AVEN: variants seen among roughly 807,000 people sequenced by gnomAD.
AVEN encodes cell death regulator Aven.
AVEN carries 41 observed loss-of-function variants against 38.1 expected under a neutral mutation model. The observed-to-expected ratio is 1.08, with a 90% CI of 0.84 to 1.40. AVEN has a LOEUF of 1.40. Among genes scored for constraint, AVEN ranks in the 40% most tolerant of loss-of-function variants. The pLI, the probability that AVEN is intolerant of heterozygous loss-of-function variation, is 0.00. For synonymous variants in AVEN, 206 were observed against 171.8 expected (o/e 1.20, Z -1.56); for missense variants, 605 against 438.8 (o/e 1.38, Z -3.38).
chr15:33,894,202 G>A (rs774075898), intron 2 of AVEN, among the ~76,000 whole-genome samples: 6 of 151,796 alleles, frequency 4.0e-5, no homozygotes, highest in Non-Finnish European at 5.9e-5. Flanking sequence ...TGCCCACTTC[G>A]GACTCCTAAA....
At chr15:34,023,541 T>C (rs1018637325) in intron 1 of AVEN, among the ~76,000 whole-genome samples, 5 of 152,184 alleles carry the variant, frequency 3.3e-5, no homozygotes, top group Non-Finnish European at 5.9e-5. Flanking sequence ...TTGCAAAACC[T>C]GAGATTCAGT....
At chr15:34,000,659 T>C (rs528040609) in intron 2 of AVEN, among the ~76,000 whole-genome samples, 1 of 152,166 alleles carries the variant, frequency 6.6e-6, no homozygotes, top group Non-Finnish European at 1.5e-5. Context: ...GAATTTTTAT[T>C]ATCAGAGAAT....
chr15:33,889,323 T>C (rs1891837109), intron 2 of AVEN, among the ~76,000 whole-genome samples: 1 of 152,196 alleles, frequency 6.6e-6, no homozygotes, highest in Non-Finnish European at 1.5e-5. Context: ...ACAAAACCTT[T>C]TCCCACCAAT....
intron 2 of AVEN, among the ~76,000 whole-genome samples, chr15:33,961,792 G>C (rs538627426): frequency 6.7e-5 from 9 of 134,000 alleles, no homozygotes; most frequent in East Asian, 2.2e-4. Flanking sequence ...CAGCCTGGGC[G>C]ACAGAGTGAG....
chr15:34,028,014 T>C (rs1204180239), intron 1 of AVEN, among the ~76,000 whole-genome samples: 1 of 152,138 alleles, frequency 6.6e-6, no homozygotes, highest in Non-Finnish European at 1.5e-5. Flanking sequence ...CTTAAGGCTC[T>C]GCACAGGCAG....
chr15:33,888,379 G>A (rs1891791367), intron 2 of AVEN, among the ~76,000 whole-genome samples: 1 of 152,100 alleles, frequency 6.6e-6, no homozygotes, highest in Non-Finnish European at 1.5e-5. Flanking sequence ...CTTCCTAGGA[G>A]AAGTGACACC....
chr15:33,854,957 C>A (rs200709969), downstream of AVEN: 1 of 1,533,822 alleles, frequency 6.5e-7, no homozygotes, highest in Non-Finnish European at 8.8e-7. Flanking sequence ...TGTATATGCA[C>A]AGGAAAAAAA....
At chr15:33,933,642 AG>A (rs1893959131) in intron 2 of AVEN, among the ~76,000 whole-genome samples, 1 of 151,298 alleles carries the variant, frequency 6.6e-6, no homozygotes, top group Admixed American at 6.6e-5. Flanking sequence ...GCACCATGCT[AG>A]GGCCTGTACA....
chr15:34,031,516 A>G (rs117946907), intron 1 of AVEN, among the ~76,000 whole-genome samples: 2,328 of 152,252 alleles, frequency 0.015, 27 homozygotes, highest in Middle Eastern at 0.024. Context: ...CCTCAATGTA[A>G]GTTTGACTTG....
chr15:34,025,095 G>A (rs1180112728), intron 1 of AVEN, among the ~76,000 whole-genome samples: 5 of 151,718 alleles, frequency 3.3e-5, no homozygotes, highest in South Asian at 4.2e-4. Context: ...GTTTGAGCCC[G>A]GGAGGCAGAG....
Position 33,867,846 on chromosome 15 carries a change from G to A in AVEN, c.622C>T (p.Pro208Ser), listed in dbSNP as rs775349309. Reference sequence around the variant, plus strand: ...GGTTTCACCTGAGGAACCTCTAAAGGAACTGTACCCTGAAAGAGAAGTATA... The same window carrying A: ...GGTTTCACCTGAGGAACCTCTAAAGAAACTGTACCCTGAAAGAGAAGTATA... ...VAAELVQGTV[P>S]LEVPQVKPKR... The change falls in exon 5 of 6, where the codon CCT (proline) becomes TCT (serine). Residue 208 changes from proline (P) to serine (S), a missense_variant. Transcript: ENST00000306730. The A allele has an allele frequency of 5.7e-6, 9 of 1,574,272 alleles. 1 individual carries two copies. The highest frequency in any genetic ancestry group is 4.0e-5 in the Admixed American group (2 of 49,670).
At chr15:33,920,709 C>T (rs1296075151) in intron 2 of AVEN, among the ~76,000 whole-genome samples, 1 of 152,212 alleles carries the variant, frequency 6.6e-6, no homozygotes, top group Non-Finnish European at 1.5e-5. Flanking sequence ...CTCTGGATCT[C>T]TGGCACAGTG....
downstream of AVEN, chr15:33,858,184 A>G: frequency 2.5e-6 from 1 of 392,892 alleles, no homozygotes; most frequent in Non-Finnish European, 4.6e-6. Flanking sequence ...TCATTCATCT[A>G]TTTCCGGGGT....
At chr15:33,897,158 C>T (rs1892265515) in intron 2 of AVEN, among the ~76,000 whole-genome samples, 2 of 152,118 alleles carry the variant, frequency 1.3e-5, no homozygotes, top group Non-Finnish European at 2.9e-5. Flanking sequence ...TGGGAAGGTA[C>T]ATAGGGAACT....
At chr15:33,875,783 TTTTCTGAAAAG>T in intron 3 of AVEN, 131 bp downstream of exon 3, 9 of 734,048 alleles carry the variant, frequency 1.2e-5, no homozygotes, top group Middle Eastern at 2.6e-4. Flanking sequence ...CCCCTGAAAA[TTTTCTGAAAAG>T]TTTAGCTGAG....
intron 2 of AVEN, among the ~76,000 whole-genome samples, chr15:33,989,283 C>T (rs911208174): frequency 3.2e-4 from 48 of 152,048 alleles, no homozygotes; most frequent in South Asian, 1.2e-3. Flanking sequence ...CAAATATGAC[C>T]CACAGTATAT....
At chr15:33,998,982 C>A (rs888025637) in intron 2 of AVEN, among the ~76,000 whole-genome samples, 1 of 152,242 alleles carries the variant, frequency 6.6e-6, no homozygotes, top group African/African-American at 2.4e-5. Context: ...CTGAACCCCA[C>A]ATTCCTCTAT....
intron 1 of AVEN, among the ~76,000 whole-genome samples, chr15:34,035,993 G>A (rs910709648): frequency 3.9e-5 from 6 of 151,904 alleles, no homozygotes; most frequent in Non-Finnish European, 7.4e-5. Flanking sequence ...AGGGGGTCTC[G>A]TTATGTTGCC....
At chr15:33,953,669 C>A (rs113337790) in intron 2 of AVEN, among the ~76,000 whole-genome samples, 1 of 152,134 alleles carries the variant, frequency 6.6e-6, no homozygotes, top group African/African-American at 2.4e-5. Context: ...AATGTTAGAC[C>A]TAAAACCATA....
Sources: allele counts gnomAD v4.1 joint callset (sites outside exome capture counted in the v4.1 genomes callset), GRCh38; gene constraint gnomAD v4.1.1; transcripts MANE v1.5; gene names NCBI Gene and HGNC (gene_info 2026-07-23, HGNC 2026-07-21).